IKZF2: variants seen among roughly 807,000 people sequenced by gnomAD.
The protein encoded by IKZF2 is zinc finger protein Helios.
IKZF2 carries 15 observed loss-of-function variants against 49.2 expected under a neutral mutation model. That is an observed-to-expected ratio of 0.30 (90% CI 0.20 to 0.47). IKZF2 has a LOEUF of 0.47. Ranked by LOEUF, IKZF2 falls within the 20% of genes least tolerant of loss-of-function variation. The pLI is 1.00. For missense variants in IKZF2, 567 were observed against 664.6 expected (o/e 0.85, Z 1.61); for synonymous variants, 227 against 221.4 (o/e 1.03, Z -0.23).
chr2:213,084,068 G>T lies in IKZF2; in HGVS notation c.140-26969C>A, dbSNP rs1398354594. Among the ~76,000 whole-genome samples, 68 of 151,932 alleles carry T rather than the reference G, an allele frequency of 4.5e-4. 1 individual carries two copies. Reference sequence around the variant, plus strand: ...ATACAGATTATTTGGAGTAAGTCAGGCCTCAGTTTAAATACCCAAACTGAC... The same window carrying T: ...ATACAGATTATTTGGAGTAAGTCAGTCCTCAGTTTAAATACCCAAACTGAC... On this transcript the variant is annotated intron_variant, in intron 4 of 8. Coordinates refer to ENST00000434687, the MANE Select transcript of IKZF2 (RefSeq NM_001387220.1).
At chr2:213,039,351 C>T (rs544057589) in intron 6 of IKZF2, among the ~76,000 whole-genome samples, 10 of 151,666 alleles carry the variant, frequency 6.6e-5, no homozygotes, top group African/African-American at 2.4e-4. Context: ...TAAAGATAGT[C>T]CATATATATA....
At position 213,066,267 on chromosome 2, in the gene IKZF2, C is replaced by T. The variant is rs530334217; in HGVS notation, c.140-9168G>A. Among the ~76,000 whole-genome samples the T allele has an allele frequency of 1.2e-4, 19 of 152,122 alleles. 1 individual carries two copies. In the South Asian group the frequency reaches 3.7e-3, roughly 30 times the overall value. On this transcript the variant is annotated intron_variant, in intron 4 of 8. Transcript: ENST00000434687. ...CAAGGTCAGAAGGCAAGGCTGCTGG[C>T]GGCTCAACAGAAAGAGATAAGGAAG...
chr2:213,101,312 C>A (rs1020112681), intron 4 of IKZF2, among the ~76,000 whole-genome samples: 2 of 152,100 alleles, frequency 1.3e-5, no homozygotes, highest in African/African-American at 4.8e-5. Context: ...GAGAGGCAGT[C>A]TCTAACCAGC....
At chr2:213,111,881 C>A (rs2059715229) in intron 4 of IKZF2, among the ~76,000 whole-genome samples, 1 of 152,116 alleles carries the variant, frequency 6.6e-6, no homozygotes, top group African/African-American at 2.4e-5. Flanking sequence ...TCCATCCTTG[C>A]ACTGCTGAAA....
At chr2:213,088,572 A>T (rs1704936095) in intron 4 of IKZF2, among the ~76,000 whole-genome samples, 1 of 152,134 alleles carries the variant, frequency 6.6e-6, no homozygotes, top group African/African-American at 2.4e-5. Context: ...CAGCCTGGCC[A>T]ACATGGTGAA....
intron 6 of IKZF2, 61 bp from the exon 7 acceptor site, chr2:213,022,191 A>G (rs1282154063): frequency 3.5e-6 from 5 of 1,441,778 alleles, no homozygotes; most frequent in Non-Finnish European, 4.6e-6. Flanking sequence ...AGCAAAATCA[A>G]TAGCTAACTT....
intron 4 of IKZF2, among the ~76,000 whole-genome samples, chr2:213,110,804 C>T (rs2059681244): frequency 6.6e-6 from 1 of 151,918 alleles, no homozygotes; most frequent in Non-Finnish European, 1.5e-5. Context: ...CAGCATGACA[C>T]AAAATTTTCA....
intron 4 of IKZF2, among the ~76,000 whole-genome samples, chr2:213,072,714 C>T (rs1702840363): frequency 6.6e-6 from 1 of 152,072 alleles, no homozygotes. Flanking sequence ...ATATTAGGTA[C>T]ATTAAACTTT....
intron 4 of IKZF2, among the ~76,000 whole-genome samples, chr2:213,079,893 T>G (rs929919173): frequency 1.3e-5 from 2 of 152,168 alleles, no homozygotes; most frequent in African/African-American, 4.8e-5. Flanking sequence ...GTATTTGCTT[T>G]CCTATCACCT....
chr2:213,035,236 A>C (rs6733125), intron 6 of IKZF2, among the ~76,000 whole-genome samples: 87,266 of 149,034 alleles, frequency 0.59, 25,959 homozygotes, highest in East Asian at 0.78. Flanking sequence ...ACAATAAATG[A>C]TCAATAAGTG....
At chr2:213,119,457 C>T (rs1306368612) in intron 4 of IKZF2, among the ~76,000 whole-genome samples, 2 of 151,922 alleles carry the variant, frequency 1.3e-5, no homozygotes, top group Admixed American at 6.6e-5. Flanking sequence ...CATAAAAAAT[C>T]TAATGCTGCG....
intron 5 of IKZF2, among the ~76,000 whole-genome samples, chr2:213,050,754 T>C (rs190731308): frequency 6.6e-5 from 10 of 152,220 alleles, no homozygotes; most frequent in Non-Finnish European, 1.2e-4. Flanking sequence ...CTCACCAATG[T>C]CATCAAATAT....
intron 4 of IKZF2, among the ~76,000 whole-genome samples, chr2:213,136,689 T>C (rs1391947529): frequency 1.3e-5 from 2 of 152,152 alleles, no homozygotes; most frequent in Non-Finnish European, 2.9e-5. Context: ...ATTACACAAA[T>C]AATATATGAA....
chr2:213,106,773 T>C (rs1472852315), intron 4 of IKZF2, among the ~76,000 whole-genome samples: 2 of 152,120 alleles, frequency 1.3e-5, no homozygotes, highest in Admixed American at 6.5e-5. Context: ...ACATCTCAAG[T>C]CTCACTCATA....
intron 8 of IKZF2, among the ~76,000 whole-genome samples, chr2:213,010,967 G>A (rs984874787): frequency 1.3e-5 from 2 of 152,106 alleles, no homozygotes; most frequent in African/African-American, 4.8e-5. Flanking sequence ...ACTGAACACA[G>A]TCAGAGAGAG....
At position 213,018,623 on chromosome 2, in the gene IKZF2, C is replaced by T. The variant is rs371419850; in HGVS notation, c.712+3370G>A. Among the ~76,000 whole-genome samples, 7 of 152,070 alleles carry T rather than the reference C, an allele frequency of 4.6e-5. No individual in the cohort carries two copies. The East Asian group carries it at 5.8e-4, about 13-fold the overall frequency. On this transcript the variant is annotated intron_variant, in intron 7 of 8. Coordinates refer to ENST00000434687, the MANE Select transcript of IKZF2 (RefSeq NM_001387220.1). Reference sequence around the variant, plus strand: ...ATAACAAATTTGGTTACCCTAGTGGCCCCCCATCAGTTACACAATGAAATT... The same window carrying T: ...ATAACAAATTTGGTTACCCTAGTGGTCCCCCATCAGTTACACAATGAAATT...
intron 6 of IKZF2, among the ~76,000 whole-genome samples, chr2:213,038,404 T>C (rs999585719): frequency 1.2e-4 from 19 of 152,320 alleles, no homozygotes; most frequent in African/African-American, 4.6e-4. Flanking sequence ...CCGATTATCA[T>C]AATCTTCTGG....
intron 4 of IKZF2, among the ~76,000 whole-genome samples, chr2:213,118,052 A>G (rs1167834345): frequency 1.3e-5 from 2 of 152,226 alleles, no homozygotes; most frequent in Non-Finnish European, 2.9e-5. Flanking sequence ...TCATTAAAAA[A>G]AGAGAGACGG....
intron 4 of IKZF2, among the ~76,000 whole-genome samples, chr2:213,129,450 C>T (rs2060395619): frequency 6.7e-6 from 1 of 150,290 alleles, no homozygotes; most frequent in Non-Finnish European, 1.5e-5. Flanking sequence ...GTACAGAGGT[C>T]CTTAGACAGG....
Sources: allele counts gnomAD v4.1 joint callset (sites outside exome capture counted in the v4.1 genomes callset), GRCh38; gene constraint gnomAD v4.1.1; transcripts MANE v1.5; gene names NCBI Gene and HGNC (gene_info 2026-07-23, HGNC 2026-07-21).